CLDN16: variants seen among roughly 807,000 people sequenced by gnomAD.
CLDN16 encodes claudin 16.
In CLDN16, 13 loss-of-function variants were observed where a neutral mutation model predicts 24.6. The observed-to-expected ratio is 0.53, with a 90% CI of 0.34 to 0.84. The LOEUF (loss-of-function observed/expected upper bound fraction) is 0.84. CLDN16 is among the 40% of genes least tolerant of loss of function. The probability of loss-of-function intolerance (pLI) is 0.01; values close to 1 mark genes in which losing one functional copy is unlikely to be tolerated. For synonymous variants in CLDN16, 116 were observed against 106.7 expected (o/e 1.09, Z -0.54); for missense variants, 298 against 292.7 (o/e 1.02, Z -0.13).
intron 1 of CLDN16, among the ~76,000 whole-genome samples, chr3:190,391,901 T>C (rs1404199937): frequency 6.6e-6 from 1 of 152,160 alleles, no homozygotes. Flanking sequence ...AGAAGACTGA[T>C]AGGGAGAAGA....
In CLDN16 at chr3:190,404,745, A is replaced by G. The variant is rs777544561; in HGVS notation, c.218-17A>G. ...CTTCTTCTGACTCTGCTTTAACCAT[A>G]TGCCCTGGTCTTCCAGTGAAGCTGG... On this transcript the variant is annotated splice_polypyrimidine_tract_variant and intron_variant, in intron 2 of 4. Coordinates refer to ENST00000264734, the MANE Select transcript of CLDN16 (RefSeq NM_006580.4). The G allele has an allele frequency of 3.1e-6, 5 of 1,613,654 alleles. No homozygotes were observed. Among genetic ancestry groups the G allele is most frequent in the Admixed American group, 3.3e-5 (2 of 59,992 alleles).
intron 1 of CLDN16, among the ~76,000 whole-genome samples, chr3:190,355,065 A>G (rs1322970488): frequency 6.6e-6 from 1 of 152,012 alleles, no homozygotes; most frequent in Non-Finnish European, 1.5e-5. Context: ...TAACTAAAAA[A>G]TGTCTAACAC....
the CLDN16 span, among the ~76,000 whole-genome samples, chr3:190,314,485 CTG>C: frequency 3.3e-5 from 5 of 152,158 alleles, no homozygotes; most frequent in East Asian, 9.7e-4. Flanking sequence ...ACCTCTGCCT[CTG>C]GGGCTCAAGC....
At chr3:190,354,178 GATAATC>G (rs767448517) in intron 1 of CLDN16, among the ~76,000 whole-genome samples, 5 of 151,862 alleles carry the variant, frequency 3.3e-5, no homozygotes, top group African/African-American at 4.8e-5. Context: ...GTCTCATCTT[GATAATC>G]ATAGTTGCAG....
chr3:190,325,888 G>A (rs1199415533), intron 1 of CLDN16, among the ~76,000 whole-genome samples: 1 of 152,184 alleles, frequency 6.6e-6, no homozygotes, highest in Non-Finnish European at 1.5e-5. Context: ...AAGGATCAGA[G>A]TACAAATATT....
intron 1 of CLDN16, among the ~76,000 whole-genome samples, chr3:190,363,617 A>C (rs1319880754): frequency 2.7e-5 from 3 of 112,192 alleles, no homozygotes; most frequent in Non-Finnish European, 5.3e-5. Context: ...CCTGTCTGGC[A>C]ATTAGGGTGA....
chr3:190,301,148 T>C, the CLDN16 span, among the ~76,000 whole-genome samples: 5 of 152,198 alleles, frequency 3.3e-5, no homozygotes, highest in Non-Finnish European at 5.9e-5. Flanking sequence ...TATGCCCGTT[T>C]TTCTACTGCT....
intron 1 of CLDN16, among the ~76,000 whole-genome samples, chr3:190,354,121 A>ATC (rs779187375): frequency 8.0e-5 from 12 of 150,306 alleles, no homozygotes; most frequent in African/African-American, 9.8e-5. Context: ...TCTGTATTGA[A>ATC]TCTCTCTCTC....
chr3:190,302,779 A>AAATAT, the CLDN16 span, among the ~76,000 whole-genome samples: 4 of 140,208 alleles, frequency 2.9e-5, no homozygotes, highest in East Asian at 4.1e-4. Flanking sequence ...CTCAAAAAAA[A>AAATAT]ATATATATAT....
intron 3 of CLDN16, among the ~76,000 whole-genome samples, chr3:190,377,236 T>C (rs1395477405): frequency 6.6e-6 from 1 of 151,918 alleles, no homozygotes; most frequent in African/African-American, 2.4e-5. Flanking sequence ...TACTTTGCAG[T>C]TTTTTCTGCT....
At chr3:190,408,826 A>T (rs992006727) in intron 4 of CLDN16, among the ~76,000 whole-genome samples, 2 of 147,952 alleles carry the variant, frequency 1.4e-5, no homozygotes, top group African/African-American at 2.5e-5. Flanking sequence ...CTATATATGT[A>T]TATATACTAT....
chr3:190,391,010 C>A (rs2108660217), intron 1 of CLDN16, among the ~76,000 whole-genome samples: 1 of 152,228 alleles, frequency 6.6e-6, no homozygotes, highest in East Asian at 1.9e-4. Flanking sequence ...TGGTCTCCAA[C>A]TCCAGGCCTC....
chr3:190,324,334 T>G (rs1041111812), intron 1 of CLDN16, among the ~76,000 whole-genome samples: 3 of 151,802 alleles, frequency 2.0e-5, no homozygotes, highest in Admixed American at 2.0e-4. Context: ...AATATGAAAA[T>G]TAGCCGGGCA....
intron 3 of CLDN16, among the ~76,000 whole-genome samples, chr3:190,405,344 G>A (rs948145210): frequency 1.4e-5 from 2 of 144,052 alleles, no homozygotes; most frequent in Non-Finnish European, 1.5e-5. Flanking sequence ...AGAATCGCTC[G>A]AACCCAGGAG....
Position 190,402,361 on chromosome 3 carries a change from T to C in CLDN16, c.139T>C (p.Trp47Arg), listed in dbSNP as rs146727044. 1.1e-5 allele frequency: 17 copies of C among 1,613,940 alleles called. No individual in the cohort carries two copies. Among genetic ancestry groups the C allele is most frequent in the Non-Finnish European group, 1.2e-5 (14 of 1,179,996 alleles). Residue 47 changes from tryptophan to arginine, a missense_variant, in exon 2 of 5, where the codon TGG becomes CGG. Physicochemically the swap from Trp to Arg is moderately radical, Grantham distance 101 (BLOSUM62 -3). Coordinates refer to ENST00000264734, the MANE Select transcript of CLDN16 (RefSeq NM_006580.4). ...LEVSTKCRGL[W>R]WECVTNAFDG... is the part of the protein sequence containing the mutation. ...GGTGAGCACAAAATGCCGAGGCCTC[T>C]GGTGGGAATGCGTCACAAATGCTTT... is the stretch of plus-strand genomic sequence containing the variant.
intron 2 of CLDN16, among the ~76,000 whole-genome samples, chr3:190,372,474 T>C (rs1038520672): frequency 1.3e-5 from 2 of 151,106 alleles, no homozygotes; most frequent in East Asian, 2.0e-4. Context: ...GAGACCCCCT[T>C]CCCCCCCAAA....
At chr3:190,295,971 G>C in the CLDN16 span, among the ~76,000 whole-genome samples, 1 of 151,908 alleles carries the variant, frequency 6.6e-6, no homozygotes, top group African/African-American at 2.4e-5. Flanking sequence ...ATTGGCTCTA[G>C]GGTTTTTTAT....
intron 1 of CLDN16, among the ~76,000 whole-genome samples, chr3:190,350,247 G>A (rs113007106): frequency 0.03 from 4,595 of 151,786 alleles, 110 homozygotes; most frequent in East Asian, 0.083. Flanking sequence ...TATTCCCTGC[G>A]TAAAGCTCTT....
In CLDN16 at chr3:190,363,387, A is replaced by G. The variant is rs181233196; in HGVS notation, n.122-7506A>G. ...CTGTAAATGCTTTACCACATTTTTA[A>G]TTGTTATTTTAAAGTCTTCATCTTC... On this transcript the variant is annotated intron_variant and non_coding_transcript_variant, in intron 1 of 4. Transcript: ENST00000468220. Among the ~76,000 whole-genome samples the G allele has an allele frequency of 1.3e-3, 204 of 151,116 alleles. 2 individuals carry two copies. Among genetic ancestry groups the G allele is most frequent in the Admixed American group, 0.012 (175 of 15,144 alleles).
Sources: gnomAD v4.1 joint callset for allele counts (sites outside exome capture counted in the v4.1 genomes callset) on GRCh38, gnomAD v4.1.1 for gene constraint, MANE v1.5 for transcripts, NCBI Gene and HGNC (gene_info 2026-07-23, HGNC 2026-07-21) for gene names.